PPP3CA: variants seen among roughly 807,000 people sequenced by gnomAD.
PPP3CA encodes CAM-PRP catalytic subunit.
Under a neutral mutation model 66.5 loss-of-function variants are expected in PPP3CA, and 14 were observed. The observed-to-expected ratio is 0.21, with a 90% CI of 0.14 to 0.33. The LOEUF is 0.33. Ranked by LOEUF, PPP3CA falls within the 10% of genes least tolerant of loss-of-function variation. The probability of loss-of-function intolerance (pLI) is 1.00; values close to 1 mark genes in which losing one functional copy is unlikely to be tolerated. For synonymous variants in PPP3CA, 232 were observed against 226.2 expected, an observed-to-expected ratio of 1.03 and a Z score of -0.23; for missense variants, 317 against 639.5, an observed-to-expected ratio of 0.50 and a Z score of 5.44.
intron 2 of PPP3CA, among the ~76,000 whole-genome samples, chr4:101,125,210 T>C (rs1722208705): frequency 6.6e-6 from 1 of 152,186 alleles, no homozygotes; most frequent in South Asian, 2.1e-4. Context: ...AACATATCTT[T>C]CCCTCATAAA....
chr4:101,135,611 C>G (rs959448468), intron 2 of PPP3CA, among the ~76,000 whole-genome samples: 11 of 152,258 alleles, frequency 7.2e-5, no homozygotes, highest in South Asian at 6.2e-4. Context: ...CTCCTCTCCC[C>G]CAGAGGGCAG....
intron 8 of PPP3CA, among the ~76,000 whole-genome samples, chr4:101,068,916 T>G (rs1038296297): frequency 1.3e-5 from 2 of 152,164 alleles, no homozygotes; most frequent in African/African-American, 4.8e-5. Context: ...AAGCCTTAAA[T>G]TTTTAGGTAA....
chr4:101,316,847 C>T (rs1372291485), intron 1 of PPP3CA, among the ~76,000 whole-genome samples: 1 of 152,148 alleles, frequency 6.6e-6, no homozygotes, highest in Non-Finnish European at 1.5e-5. Flanking sequence ...TGTGCTTTCA[C>T]TTATAAGTCA....
At chr4:101,330,745 C>T (rs1451407908) in intron 1 of PPP3CA, among the ~76,000 whole-genome samples, 1 of 151,772 alleles carries the variant, frequency 6.6e-6, no homozygotes, top group Non-Finnish European at 1.5e-5. Flanking sequence ...GCAACGTCTA[C>T]AAAAAAAGGC....
At chr4:101,253,752 C>A (rs982930796) in intron 1 of PPP3CA, among the ~76,000 whole-genome samples, 2 of 152,090 alleles carry the variant, frequency 1.3e-5, no homozygotes, top group Non-Finnish European at 2.9e-5. Flanking sequence ...CTACCCCACA[C>A]TCACATTATT....
At position 101,329,696 on chromosome 4, in the gene PPP3CA, A is replaced by G. The variant is rs575627940; in HGVS notation, c.58+17043T>C. On this transcript the variant is annotated intron_variant, in intron 1 of 13. Transcript: ENST00000394854. ...CTTAAGTTGAGGCCCATGCTCATTT[A>G]CCATTCTGAAAATCCTAAAGCCCTT... 7.2e-5 allele frequency among the ~76,000 whole-genome samples: 11 copies of G among 152,250 alleles called. No homozygotes were observed. The South Asian group carries it at 2.3e-3, about 32-fold the overall frequency.
chr4:101,112,100 A>C (rs1339671569), intron 2 of PPP3CA, among the ~76,000 whole-genome samples: 2 of 152,178 alleles, frequency 1.3e-5, no homozygotes, highest in African/African-American at 4.8e-5. Flanking sequence ...ATAAATACCA[A>C]GACATTAATT....
chr4:101,034,702 A>G (rs1727162962), intron 11 of PPP3CA, among the ~76,000 whole-genome samples: 1 of 152,242 alleles, frequency 6.6e-6, no homozygotes, highest in Non-Finnish European at 1.5e-5. Context: ...CCTCTACTGC[A>G]AAGTTTACTT....
In PPP3CA at chr4:101,225,081, C is replaced by A. The variant is rs184597203; in HGVS notation, c.59-28965G>T. Among the ~76,000 whole-genome samples the A allele has an allele frequency of 9.8e-4, 149 of 151,904 alleles. 1 individual carries two copies. In the Middle Eastern group the frequency reaches 0.02, roughly 21 times the overall value. ...GAAGTACTCAGCTGCTCCCTCACCCCCTTTAGGTCTTCCTACAAAAGTTAC... is the reference window on the plus strand; with the variant it reads ...GAAGTACTCAGCTGCTCCCTCACCCACTTTAGGTCTTCCTACAAAAGTTAC... On this transcript the variant is annotated intron_variant, in intron 1 of 13. Coordinates refer to ENST00000394854, the MANE Select transcript of PPP3CA (RefSeq NM_000944.5).
At chr4:101,343,169 C>T (rs1038541877) in intron 1 of PPP3CA, among the ~76,000 whole-genome samples, 2 of 152,092 alleles carry the variant, frequency 1.3e-5, no homozygotes, top group East Asian at 1.9e-4. Flanking sequence ...CCATTACCAT[C>T]GGTTTGAGTT....
At chr4:101,238,312 C>A (rs972898983) in intron 1 of PPP3CA, among the ~76,000 whole-genome samples, 3 of 151,806 alleles carry the variant, frequency 2.0e-5, no homozygotes, top group Non-Finnish European at 4.4e-5. Context: ...ATACCTTGTC[C>A]TTCACTCTGA....
chr4:101,139,928 T>G (rs1337282914), intron 2 of PPP3CA, among the ~76,000 whole-genome samples: 1 of 150,792 alleles, frequency 6.6e-6, no homozygotes, highest in African/African-American at 2.5e-5. Flanking sequence ...TTTAAAATCT[T>G]TTTTTTTTCC....
chr4:101,200,735 C>A (rs1724942902), intron 1 of PPP3CA, among the ~76,000 whole-genome samples: 2 of 152,128 alleles, frequency 1.3e-5, no homozygotes, highest in South Asian at 4.1e-4. Flanking sequence ...CTGGTGCTTT[C>A]TGGAGCAAAA....
intron 8 of PPP3CA, among the ~76,000 whole-genome samples, chr4:101,067,050 C>T (rs1192121275): frequency 6.6e-6 from 1 of 152,126 alleles, no homozygotes; most frequent in Non-Finnish European, 1.5e-5. Context: ...GAGACTGTGA[C>T]ATACATGCAG....
At chr4:101,148,021 C>T (rs1048660147) in intron 2 of PPP3CA, among the ~76,000 whole-genome samples, 11 of 152,074 alleles carry the variant, frequency 7.2e-5, no homozygotes, top group Non-Finnish European at 1.3e-4. Flanking sequence ...TAGACAATAA[C>T]AATTCCCTCT....
intron 10 of PPP3CA, among the ~76,000 whole-genome samples, chr4:101,048,025 T>C (rs62305884): frequency 0.19 from 28,601 of 152,064 alleles, 2,911 homozygotes; most frequent in Middle Eastern, 0.31. Flanking sequence ...CATTGCTCCC[T>C]TGATTAAGGA....
intron 1 of PPP3CA, among the ~76,000 whole-genome samples, chr4:101,322,798 C>G (rs540243477): frequency 6.6e-6 from 1 of 151,866 alleles, no homozygotes; most frequent in Non-Finnish European, 1.5e-5. Context: ...ATCCAGCTTA[C>G]GGTATTTTTG....
chr4:101,229,879 T>G lies in PPP3CA; in HGVS notation c.59-33763A>C, dbSNP rs959761693. 2.0e-5 allele frequency among the ~76,000 whole-genome samples: 3 copies of G among 151,148 alleles called. No homozygotes were observed. In the Admixed American group the frequency reaches 2.0e-4, roughly 10 times the overall value. ...AAATAGGGCAAAAAGAAAAGTGAGA[T>G]AGTAACGAAAAAAATTGGGAAAGGA... On this transcript the variant is annotated intron_variant, in intron 1 of 13. Coordinates refer to ENST00000394854, the MANE Select transcript of PPP3CA (RefSeq NM_000944.5).
At chr4:101,317,110 C>A (rs1157851435) in intron 1 of PPP3CA, among the ~76,000 whole-genome samples, 1 of 152,004 alleles carries the variant, frequency 6.6e-6, no homozygotes, top group Non-Finnish European at 1.5e-5. Context: ...AAAACCTTCC[C>A]GGCTTCCCAC....
Sources: gnomAD v4.1 joint callset for allele counts (sites outside exome capture counted in the v4.1 genomes callset) on GRCh38, gnomAD v4.1.1 for gene constraint, MANE v1.5 for transcripts, NCBI Gene and HGNC (gene_info 2026-07-23, HGNC 2026-07-21) for gene names.